Variants in SRGAP1 observed in about 807,000 individuals in gnomAD.
The protein encoded by SRGAP1 is SLIT-ROBO Rho GTPase-activating protein 1.
Under a neutral mutation model 121.9 loss-of-function variants are expected in SRGAP1, and 43 were observed. The ratio of observed to expected loss-of-function variants is 0.35; its 90% CI spans 0.28 to 0.46. The LOEUF is 0.46. Among genes scored for constraint, SRGAP1 ranks in the 20% least tolerant of loss-of-function variants. The pLI is 1.00. For synonymous variants in SRGAP1, 447 were observed against 485.4 expected (o/e 0.92, Z 1.04); for missense variants, 1,102 against 1,350.9 (o/e 0.82, Z 2.89).
intron 8 of SRGAP1, among the ~76,000 whole-genome samples, chr12:64,069,175 G>A (rs1050425689): frequency 1.3e-5 from 2 of 152,228 alleles, no homozygotes; most frequent in South Asian, 2.1e-4. Flanking sequence ...TGTTTGCCAT[G>A]TTCTCCACTC....
chr12:63,919,950 T>C (rs1565950637), intron 1 of SRGAP1, among the ~76,000 whole-genome samples: 2 of 152,212 alleles, frequency 1.3e-5, no homozygotes, highest in Admixed American at 6.5e-5. Flanking sequence ...ATTTGAACAA[T>C]GTTGCTGAAC....
At chr12:63,973,888 A>G (rs577841115) in intron 1 of SRGAP1, among the ~76,000 whole-genome samples, 142 of 152,318 alleles carry the variant, frequency 9.3e-4, no homozygotes, top group Non-Finnish European at 1.2e-3. Flanking sequence ...AAGAATGTCA[A>G]TGTTTGGCAA....
At chr12:64,018,858 G>A (rs2136468668) in intron 4 of SRGAP1, among the ~76,000 whole-genome samples, 1 of 152,246 alleles carries the variant, frequency 6.6e-6, no homozygotes, top group African/African-American at 2.4e-5. Context: ...ATTTCTAGAA[G>A]CCCAGTAATT....
chr12:64,013,036 C>T (rs890193576), intron 3 of SRGAP1, among the ~76,000 whole-genome samples: 1 of 152,096 alleles, frequency 6.6e-6, no homozygotes, highest in Non-Finnish European at 1.5e-5. Context: ...CCACACCTGG[C>T]CTCACTTATT....
rs2037019980 is a variant in SRGAP1 at position 64,144,657 on chromosome 12, AAG to A, written c.*1987_*1988del. On this transcript the variant is annotated 3_prime_UTR_variant, in exon 22 of 22. Transcript: ENST00000355086. ...GCCATACTTTTTGCCCATTTTGAAA[AAG>A]AAGCCCAGGACAGCACCTTGTCTAG... 6.6e-6 allele frequency: 1 copy of A among 152,000 alleles called. No individual in the cohort carries two copies. Among genetic ancestry groups the A allele is most frequent in the Non-Finnish European group, 1.5e-5 (1 of 68,010 alleles). The allele number at this position is 152,000 out of a possible 1,614,324, so 9.4% of individuals were successfully genotyped here.
At chr12:64,112,256 T>C (rs1419048113) in intron 17 of SRGAP1, among the ~76,000 whole-genome samples, 1 of 152,232 alleles carries the variant, frequency 6.6e-6, no homozygotes, top group Non-Finnish European at 1.5e-5. Flanking sequence ...TATGTAGAGC[T>C]ATGTTAACTT....
chr12:63,920,193 G>A (rs2030984063), intron 1 of SRGAP1, among the ~76,000 whole-genome samples: 1 of 152,212 alleles, frequency 6.6e-6, no homozygotes, highest in Non-Finnish European at 1.5e-5. Context: ...ATTTTTGCCA[G>A]TCTGGTGGGT....
chr12:64,019,543 G>C (rs2034494266), intron 4 of SRGAP1, among the ~76,000 whole-genome samples: 1 of 152,152 alleles, frequency 6.6e-6, no homozygotes, highest in East Asian at 1.9e-4. Context: ...TCTGTGGGGA[G>C]AGAACTTCAT....
intron 3 of SRGAP1, among the ~76,000 whole-genome samples, chr12:63,997,236 G>A (rs1325000598): frequency 6.6e-6 from 1 of 152,080 alleles, no homozygotes; most frequent in Non-Finnish European, 1.5e-5. Flanking sequence ...AATCTTATGG[G>A]ACCACCGTCA....
chr12:63,872,637 GTTCA>G (rs1899892408), intron 1 of SRGAP1, among the ~76,000 whole-genome samples: 2 of 152,346 alleles, frequency 1.3e-5, no homozygotes, highest in East Asian at 3.9e-4. Flanking sequence ...AGTATCATAA[GTTCA>G]TTCATTCAAC....
At chr12:64,055,948 T>C (rs893459811) in intron 6 of SRGAP1, among the ~76,000 whole-genome samples, 1 of 152,118 alleles carries the variant, frequency 6.6e-6, no homozygotes, top group Non-Finnish European at 1.5e-5. Flanking sequence ...GTACATCAAC[T>C]CACTACTGAG....
At chr12:63,968,691 CAG>C (rs1465462655) in intron 1 of SRGAP1, among the ~76,000 whole-genome samples, 1 of 152,158 alleles carries the variant, frequency 6.6e-6, no homozygotes, top group African/African-American at 2.4e-5. Context: ...TGGATTTGGG[CAG>C]AGTGTTGTGT....
rs150291295 is a variant in SRGAP1, at chr12:64,082,236, T to TG, written c.1408+1870dup. Among the ~76,000 whole-genome samples, 1,074 of 152,084 alleles carry TG rather than the reference T, an allele frequency of 7.1e-3. 7 individuals are homozygous for TG. The highest frequency in any genetic ancestry group is 0.025 in the African/African-American group (1,033 of 41,472). ...TTGCAGACACATGTGTTAATATGCT[T>TG]GGGGCCACATTCTGAAACTTTTATG... On this transcript the variant is annotated intron_variant, in intron 10 of 21. Coordinates refer to ENST00000355086, the MANE Select transcript of SRGAP1 (RefSeq NM_020762.4).
chr12:63,877,513 C>A (rs529098359), intron 1 of SRGAP1, among the ~76,000 whole-genome samples: 1 of 152,084 alleles, frequency 6.6e-6, no homozygotes, highest in Non-Finnish European at 1.5e-5. Context: ...TTGTTAAAAC[C>A]TCAACATGGA....
intron 1 of SRGAP1, among the ~76,000 whole-genome samples, chr12:63,906,279 CT>C (rs970178554): frequency 7.3e-5 from 11 of 151,642 alleles, no homozygotes; most frequent in African/African-American, 2.2e-4. Flanking sequence ...TGTATAAGTC[CT>C]TTTTTTTAAT....
intron 15 of SRGAP1, among the ~76,000 whole-genome samples, chr12:64,108,348 A>G (rs1407068842): frequency 6.6e-6 from 1 of 152,192 alleles, no homozygotes; most frequent in African/African-American, 2.4e-5. Flanking sequence ...ACATCAGGAC[A>G]TGCATCATAT....
intron 1 of SRGAP1, among the ~76,000 whole-genome samples, chr12:63,928,847 A>G (rs1434005833): frequency 2.6e-5 from 4 of 152,206 alleles, no homozygotes; most frequent in African/African-American, 9.7e-5. Flanking sequence ...GAAACCCACA[A>G]CTTAGATCCC....
rs142856725 is a variant in SRGAP1, at chr12:63,938,358, C to T, written c.68-45589C>T. On this transcript the variant is annotated intron_variant, in intron 1 of 21. Transcript: ENST00000355086. ...TGGAAGAGCAGATGCCGCCCTGGTTCGGGGTGGAGTCTTCCAGGCTTGCCA... is the reference window on the plus strand; with the variant it reads ...TGGAAGAGCAGATGCCGCCCTGGTTTGGGGTGGAGTCTTCCAGGCTTGCCA... Among the ~76,000 whole-genome samples the T allele has an allele frequency of 2.5e-3, 384 of 152,226 alleles. 1 individual carries two copies. Among genetic ancestry groups the T allele is most frequent in the African/African-American group, 8.9e-3 (369 of 41,550 alleles).
intron 1 of SRGAP1, among the ~76,000 whole-genome samples, chr12:63,970,443 G>A (rs548245609): frequency 6.6e-6 from 1 of 152,238 alleles, no homozygotes; most frequent in East Asian, 1.9e-4. Context: ...GGAAGTAGAG[G>A]TATGAGATTA....
Sources: gnomAD v4.1 joint callset for allele counts (sites outside exome capture counted in the v4.1 genomes callset) on GRCh38, gnomAD v4.1.1 for gene constraint, MANE v1.5 for transcripts, NCBI Gene and HGNC (gene_info 2026-07-23, HGNC 2026-07-21) for gene names.